The following SLC36A3 variants were observed in gnomAD, a reference collection of about 807,000 sequenced individuals.
SLC36A3 encodes the protein proton-coupled amino acid transporter 3.
SLC36A3 carries 35 observed loss-of-function variants against 44.3 expected under a neutral mutation model. That is an observed-to-expected ratio of 0.79 (90% CI 0.60 to 1.05). The LOEUF is 1.05. Ranked by LOEUF, SLC36A3 falls within the 50% of genes least tolerant of loss-of-function variation. The pLI, the probability that SLC36A3 is intolerant of heterozygous loss-of-function variation, is 0.00. For synonymous variants in SLC36A3, 211 were observed against 227.6 expected, an observed-to-expected ratio of 0.93 and a Z score of 0.66; for missense variants, 540 against 578.7, an observed-to-expected ratio of 0.93 and a Z score of 0.69.
At chr5:151,299,250 C>CTATATATATA (rs1291436379) in intron 1 of SLC36A3, among the ~76,000 whole-genome samples, 6 of 96,130 alleles carry the variant, frequency 6.2e-5, no homozygotes, top group Admixed American at 1.3e-4. Context: ...CTCTCTCTCT[C>CTATATATATA]TCTCTCTCTC....
At chr5:151,295,444 G>A (rs924185848) in intron 3 of SLC36A3, among the ~76,000 whole-genome samples, 1 of 152,154 alleles carries the variant, frequency 6.6e-6, no homozygotes, top group Non-Finnish European at 1.5e-5. Flanking sequence ...TGAGAGTTAG[G>A]TGTGACTGAT....
At chr5:151,298,731 A>T (rs754493793) in intron 1 of SLC36A3, 48 bp from the exon 2 acceptor site, 2 of 1,592,310 alleles carry the variant, frequency 1.3e-6, no homozygotes, top group African/African-American at 2.7e-5. Context: ...AGTGGAAGGG[A>T]AGCATGGCCA....
chr5:151,288,402 G>T lies in SLC36A3; in HGVS notation c.473C>A (p.Ala158Glu). The change falls in exon 5 of 10, where the codon GCA becomes GAA. Residue 158 changes from alanine to glutamate, a missense_variant. By Grantham distance (107) the Ala-to-Glu change is moderately radical (BLOSUM62 -1). Transcript: ENST00000335230. The stretch of plus-strand genomic sequence containing the variant: ...GCTCTTTACCTGTTGTAAATTGTCT[G>T]CCATAAACATAAAATAAACACTGCA... ...GFCSVYFMFM[A>E]DNLQQMVEKA... The T allele has an allele frequency of 6.2e-7, 1 of 1,603,672 alleles. No homozygotes were observed. Among genetic ancestry groups the T allele is most frequent in the South Asian group, 1.1e-5 (1 of 88,882 alleles).
At chr5:151,288,052 T>C (rs1024333032) in intron 5 of SLC36A3, among the ~76,000 whole-genome samples, 1 of 152,234 alleles carries the variant, frequency 6.6e-6, no homozygotes, top group Non-Finnish European at 1.5e-5. Context: ...CTTGTTGTCC[T>C]TGTATAGTTA....
chr5:151,296,352 C>T, intron 2 of SLC36A3, 84 bp from the exon 3 acceptor site: 1 of 1,162,366 alleles, frequency 8.6e-7, no homozygotes, highest in Non-Finnish European at 1.3e-6. Context: ...CGTGCTGGGG[C>T]CTGTTGCATA....
chr5:151,298,059 T>C (rs919877803), intron 2 of SLC36A3: 1 of 152,242 alleles, frequency 6.6e-6, no homozygotes, highest in African/African-American at 2.4e-5. Flanking sequence ...AAAGTGAGGA[T>C]GGCATTAGTG....
chr5:151,277,258 G>T lies in SLC36A3; in HGVS notation c.*135C>A. On this transcript the variant is annotated 3_prime_UTR_variant, in exon 10 of 10. Transcript: ENST00000335230. The stretch of plus-strand genomic sequence containing the variant: ...ACATCAGTGCTAACTTTTCTCATCT[G>T]CATTTCTCTTGGAAAGATAAAGACG... 2 of 1,227,480 alleles carry T rather than the reference G, an allele frequency of 1.6e-6. No individual in the cohort carries two copies. The highest frequency in any genetic ancestry group is 2.3e-6 in the Non-Finnish European group (2 of 886,348). The allele number at this position is 1,227,480 out of a possible 1,614,324, so 76.0% of individuals were successfully genotyped here.
intron 4 of SLC36A3, among the ~76,000 whole-genome samples, chr5:151,290,767 C>T (rs1231952430): frequency 2.0e-5 from 3 of 151,910 alleles, no homozygotes; most frequent in South Asian, 2.1e-4. Context: ...TGGTGGCGGG[C>T]GCCTGTAGTC....
At chr5:151,298,704 A>C in intron 1 of SLC36A3, 21 bp from the exon 2 acceptor site, 1 of 1,612,236 alleles carries the variant, frequency 6.2e-7, no homozygotes, top group Non-Finnish European at 8.5e-7. Context: ...GAGAGTAGGG[A>C]GACAGAGGGT....
intron 9 of SLC36A3, among the ~76,000 whole-genome samples, chr5:151,278,664 TA>T (rs1754193791): frequency 1.3e-5 from 2 of 152,088 alleles, no homozygotes; most frequent in Admixed American, 1.3e-4. Flanking sequence ...GCTGGATCTT[TA>T]AAAAAATCAC....
At chr5:151,284,592 C>T (rs776948521) in intron 7 of SLC36A3, 21 bp downstream of exon 7, 31 of 1,586,228 alleles carry the variant, frequency 2.0e-5, no homozygotes, top group Non-Finnish European at 2.4e-5. Context: ...GGACCATTCG[C>T]GTGAACCCCA....
At chr5:151,283,127 C>T (rs1754391985) in intron 8 of SLC36A3, among the ~76,000 whole-genome samples, 1 of 152,100 alleles carries the variant, frequency 6.6e-6, no homozygotes, top group South Asian at 2.1e-4. Context: ...CTCAGGTGAT[C>T]CACCCGCCTC....
At position 151,281,130 on chromosome 5, in the gene SLC36A3, G is replaced by C. The variant is rs374146342; in HGVS notation, c.1028C>G (p.Ala343Gly). 6.2e-7 allele frequency: 1 copy of C among 1,614,150 alleles called. No individual in the cohort carries two copies. The highest frequency in any genetic ancestry group is 1.1e-5 in the South Asian group (1 of 91,074). Residue 343 changes from alanine (A) to glycine (G), a missense_variant, in exon 9 of 10, where the codon GCC becomes GGC. Transcript: ENST00000335230. ...MYSIGIFFTYALQFHVPAEII... is the reference protein window; with the variant it reads ...MYSIGIFFTYGLQFHVPAEII... ...CTCAGCTGGGACGTGGAACTGGAGG[G>C]CATAGGTGAAGAAGATGCCGATAGA...
At chr5:151,283,149 G>A (rs895407557) in intron 8 of SLC36A3, among the ~76,000 whole-genome samples, 1 of 152,174 alleles carries the variant, frequency 6.6e-6, no homozygotes, top group African/African-American at 2.4e-5. Context: ...GCCTCCCAAA[G>A]AGCTGGGATT....
At chr5:151,286,036 C>G (rs1754523760) in intron 6 of SLC36A3, among the ~76,000 whole-genome samples, 1 of 152,114 alleles carries the variant, frequency 6.6e-6, no homozygotes, top group Admixed American at 6.5e-5. Flanking sequence ...AATACAACCC[C>G]AGAGACTTTC....
At chr5:151,292,619 T>C (rs571958286) in intron 4 of SLC36A3, among the ~76,000 whole-genome samples, 1 of 152,336 alleles carries the variant, frequency 6.6e-6, no homozygotes, top group African/African-American at 2.4e-5. Flanking sequence ...ACAACCTGAA[T>C]GTTCACCTTA....
At chr5:151,293,485 T>C in intron 3 of SLC36A3, 26 bp from the exon 4 acceptor site, 1 of 1,576,268 alleles carries the variant, frequency 6.3e-7, no homozygotes, top group Non-Finnish European at 8.7e-7. Flanking sequence ...AAACAATGCA[T>C]AATTTAAAAC....
intron 6 of SLC36A3, 32 bp downstream of exon 6, chr5:151,287,214 G>T: frequency 1.2e-6 from 2 of 1,608,830 alleles, no homozygotes; most frequent in South Asian, 2.2e-5. Context: ...AGAGACCCAG[G>T]ACCCTGATCC....
intron 9 of SLC36A3, among the ~76,000 whole-genome samples, chr5:151,279,906 C>A (rs1383598604): frequency 2.9e-4 from 44 of 152,186 alleles, no homozygotes; most frequent in Admixed American, 2.8e-3. Context: ...TTACAATAAT[C>A]CCACAGGTGT....
Sources: allele counts gnomAD v4.1 joint callset (sites outside exome capture counted in the v4.1 genomes callset), GRCh38; gene constraint gnomAD v4.1.1; transcripts MANE v1.5; gene names NCBI Gene and HGNC (gene_info 2026-07-23, HGNC 2026-07-21).